The following PREX1 variants were observed in gnomAD, a reference collection of about 807,000 sequenced individuals.
PREX1 encodes the protein phosphatidylinositol-3,4,5-trisphosphate dependent Rac exchange factor 1.
In PREX1, 41 loss-of-function variants were observed where a neutral mutation model predicts 198.3. That is an observed-to-expected ratio of 0.21 (90% confidence interval 0.16 to 0.27). The LOEUF (loss-of-function observed/expected upper bound fraction) is 0.27, where lower values mean the gene tolerates loss of function less well. Among genes scored for constraint, PREX1 ranks in the 10% least tolerant of loss-of-function variants. The pLI is 1.00. For synonymous variants in PREX1, 843 were observed against 887.2 expected, an observed-to-expected ratio of 0.95 and a Z score of 0.89; for missense variants, 1,620 against 2,200.7, an observed-to-expected ratio of 0.74 and a Z score of 5.28.
chr20:48,883,533 AC>A, the PREX1 span, among the ~76,000 whole-genome samples: 1 of 152,110 alleles, frequency 6.6e-6, no homozygotes, highest in African/African-American at 2.4e-5. Flanking sequence ...GAATTAATAA[AC>A]AAGCTTAGCA....
chr20:48,774,344 A>G (rs1402124087), intron 1 of PREX1, among the ~76,000 whole-genome samples: 2 of 152,224 alleles, frequency 1.3e-5, no homozygotes, highest in Non-Finnish European at 2.9e-5. Context: ...GGGACACACG[A>G]GGGAGGGGTT....
the PREX1 span, among the ~76,000 whole-genome samples, chr20:48,833,258 G>A: frequency 6.6e-6 from 1 of 152,138 alleles, no homozygotes; most frequent in Non-Finnish European, 1.5e-5. Context: ...GAGACCCTGA[G>A]ATAGGACACT....
chr20:48,763,404 G>A (rs927336694), intron 1 of PREX1, among the ~76,000 whole-genome samples: 1 of 152,204 alleles, frequency 6.6e-6, no homozygotes, highest in African/African-American at 2.4e-5. Context: ...AGAGAACCAA[G>A]TCACTCGGGG....
At chr20:48,795,374 C>T (rs2090357059) in intron 1 of PREX1, among the ~76,000 whole-genome samples, 1 of 152,190 alleles carries the variant, frequency 6.6e-6, no homozygotes, top group African/African-American at 2.4e-5. Context: ...CTGCTTAGTA[C>T]AGACCAGTGA....
intron 1 of PREX1, among the ~76,000 whole-genome samples, chr20:48,808,569 G>A (rs2090421939): frequency 6.6e-6 from 1 of 152,164 alleles, no homozygotes; most frequent in South Asian, 2.1e-4. Flanking sequence ...CAAGTAGCCA[G>A]AGGGATCCTG....
chr20:48,843,794 A>G, the PREX1 span, among the ~76,000 whole-genome samples: 1 of 152,170 alleles, frequency 6.6e-6, no homozygotes, highest in African/African-American at 2.4e-5. Context: ...AGAAAAATCC[A>G]TAATTTCACT....
chr20:48,834,760 A>G, the PREX1 span, among the ~76,000 whole-genome samples: 1 of 152,092 alleles, frequency 6.6e-6, no homozygotes, highest in South Asian at 2.1e-4. Flanking sequence ...GGATCCCACT[A>G]TGTTGCCCAG....
intron 18 of PREX1, chr20:48,656,606 T>C: frequency 2.2e-6 from 1 of 452,976 alleles, no homozygotes; most frequent in Non-Finnish European, 4.4e-6. Flanking sequence ...GACTCCCCCC[T>C]CATCTGCTTC....
At chr20:48,715,867 G>A (rs1157648075) in intron 5 of PREX1, among the ~76,000 whole-genome samples, 1 of 152,150 alleles carries the variant, frequency 6.6e-6, no homozygotes, top group Non-Finnish European at 1.5e-5. Context: ...TCCCAGTGAG[G>A]TGGGTACTAT....
At chr20:48,844,059 G>C in the PREX1 span, among the ~76,000 whole-genome samples, 2 of 152,104 alleles carry the variant, frequency 1.3e-5, no homozygotes, top group Admixed American at 1.3e-4. Context: ...AACCTCACTT[G>C]AGTCTGGGAG....
intron 1 of PREX1, among the ~76,000 whole-genome samples, chr20:48,799,599 G>A (rs1031627823): frequency 2.0e-5 from 3 of 152,214 alleles, no homozygotes; most frequent in African/African-American, 4.8e-5. Context: ...CATGCATTTT[G>A]TTAATAATAC....
intron 14 of PREX1, among the ~76,000 whole-genome samples, chr20:48,675,232 C>G (rs1327510735): frequency 6.6e-6 from 1 of 152,188 alleles, no homozygotes; most frequent in Non-Finnish European, 1.5e-5. Context: ...CATCCCTTTC[C>G]CCATGAGAGG....
At chr20:48,874,339 A>C in the PREX1 span, among the ~76,000 whole-genome samples, 2 of 150,806 alleles carry the variant, frequency 1.3e-5, no homozygotes, top group African/African-American at 4.9e-5. Flanking sequence ...AGCCCCCTAC[A>C]TTTATCCTTT....
At chr20:48,747,670 G>A (rs2090115162) in intron 2 of PREX1, 139 bp downstream of exon 2, 1 of 912,356 alleles carries the variant, frequency 1.1e-6, no homozygotes. Context: ...GCAAGCTGGG[G>A]CAGGGCAAAG....
At chr20:48,885,253 G>C in the PREX1 span, among the ~76,000 whole-genome samples, 1 of 152,190 alleles carries the variant, frequency 6.6e-6, no homozygotes, top group Admixed American at 6.5e-5. Context: ...CACTGTCGTA[G>C]GTCCAGCACC....
chr20:48,684,726 G>A lies in PREX1; in HGVS notation c.1335-3391C>T, dbSNP rs991786192. ...CAGTGGCTTCCCACAGCACCAAGAC[G>A]GAAATGTGAGCTGCCTGCCAAGGCC... On this transcript the variant is annotated intron_variant, in intron 10 of 39. Transcript: ENST00000371941. The surrounding 1 kb of genome is among the most constrained non-coding windows in gnomAD (Gnocchi z 4.2). Among the ~76,000 whole-genome samples the A allele has an allele frequency of 5.3e-5, 8 of 151,946 alleles. No individual in the cohort carries two copies. The highest frequency in any genetic ancestry group is 1.5e-4 in the African/African-American group (6 of 41,342).
intron 4 of PREX1, among the ~76,000 whole-genome samples, chr20:48,729,853 T>C (rs192931774): frequency 2.6e-5 from 4 of 152,280 alleles, no homozygotes; most frequent in African/African-American, 9.6e-5. Flanking sequence ...ATTTGGAAAT[T>C]GGATCTTTAC....
intron 3 of PREX1, among the ~76,000 whole-genome samples, chr20:48,738,323 C>T (rs6095268): frequency 1.3e-5 from 2 of 152,164 alleles, no homozygotes; most frequent in Admixed American, 6.5e-5. Flanking sequence ...TCCTCATCCC[C>T]TGAGCCCCCT....
At chr20:48,657,715 C>T (rs1412133715) in intron 17 of PREX1, among the ~76,000 whole-genome samples, 1 of 152,232 alleles carries the variant, frequency 6.6e-6, no homozygotes, top group Non-Finnish European at 1.5e-5. Flanking sequence ...TGCACACGCC[C>T]CAGGCAAAGC....
Sources: gnomAD v4.1 joint callset for allele counts (sites outside exome capture counted in the v4.1 genomes callset) on GRCh38, gnomAD v4.1.1 for gene constraint, Gnocchi (gnomAD v3.1) non-coding constraint, MANE v1.5 for transcripts, NCBI Gene and HGNC (gene_info 2026-07-23, HGNC 2026-07-21) for gene names.